TAF1: variants seen among roughly 807,000 people sequenced by gnomAD.
The protein encoded by TAF1 is transcription initiation factor TFIID subunit 1.
In TAF1, 2 loss-of-function variants were observed where a neutral mutation model predicts 138.5. The observed-to-expected ratio is 0.01, with a 90% CI of 0.01 to 0.05. The LOEUF (loss-of-function observed/expected upper bound fraction) is 0.05. Among genes scored for constraint, TAF1 ranks in the 10% least tolerant of loss-of-function variants. The pLI is 1.00. For missense variants in TAF1, 709 were observed against 1,478.0 expected, an observed-to-expected ratio of 0.48 and a Z score of 8.53; for synonymous variants, 437 against 503.2, an observed-to-expected ratio of 0.87 and a Z score of 1.76.
Position 71,464,562 on chromosome X carries a change from A to G in TAF1, c.*516A>G. On this transcript the variant is annotated 3_prime_UTR_variant, in exon 38 of 38. Coordinates refer to ENST00000423759, the MANE Select transcript of TAF1 (RefSeq NM_004606.5). ...TCTACTAAAAATACAAAAATTAGCC[A>G]GGTGTGGTGGCGTATGCCTGTTAAT... 1 of 238,886 alleles carries G rather than the reference A, an allele frequency of 4.2e-6. No individual in the cohort carries two copies. The highest frequency in any genetic ancestry group is 7.5e-6 in the Non-Finnish European group (1 of 133,824). The allele number at this position is 238,886 out of a possible 1,213,427, so 19.7% of individuals were successfully genotyped here.
intron 18 of TAF1, among the ~76,000 whole-genome samples, chrX:71,389,934 G>C (rs1376884521): frequency 2.7e-5 from 3 of 110,345 alleles, no homozygotes; most frequent in Admixed American, 1.9e-4. Flanking sequence ...GCATGACCTC[G>C]ACTCACTGCA....
At chrX:71,506,196 G>A (rs946698398) in intron 13 of TAF1, among the ~76,000 whole-genome samples, 10 of 107,100 alleles carry the variant, frequency 9.3e-5, no homozygotes, top group African/African-American at 3.4e-4. Flanking sequence ...GCGAAACTCC[G>A]TCTCAAAATA....
At chrX:71,386,753 C>T (rs1051346497) in intron 14 of TAF1, among the ~76,000 whole-genome samples, 3 of 113,096 alleles carry the variant, frequency 2.7e-5, no homozygotes, top group African/African-American at 9.6e-5. Context: ...GCATGAGTCA[C>T]TGTGCCCGGC....
intron 13 of TAF1, among the ~76,000 whole-genome samples, chrX:71,520,207 G>C (rs1256537460): frequency 1.9e-5 from 2 of 104,226 alleles, no homozygotes; most frequent in African/African-American, 7.1e-5. Flanking sequence ...GCAGTGGTGT[G>C]ATCTCGGCTC....
At chrX:71,377,334 T>G (rs950462609) in intron 5 of TAF1, 143 bp downstream of exon 5, 1 of 936,804 alleles carries the variant, frequency 1.1e-6, no homozygotes, top group African/African-American at 2.0e-5. Context: ...TCACACTGTA[T>G]TAGGTCTTTT....
chrX:71,394,686 C>T (rs1364922553), intron 22 of TAF1, among the ~76,000 whole-genome samples: 1 of 112,151 alleles, frequency 8.9e-6, no homozygotes, highest in Admixed American at 9.5e-5. Context: ...GGCTGGAGTG[C>T]ACTGGTGTGA....
At chrX:71,441,601 T>A (rs1446617464) in intron 32 of TAF1, 4 of 268,473 alleles carry the variant, frequency 1.5e-5, no homozygotes, top group African/African-American at 1.2e-4. Context: ...TGAAACTATA[T>A]ATTGTATTAT....
At chrX:71,527,955 T>C (rs1043207960) in intron 13 of TAF1, 1 of 145,835 alleles carries the variant, frequency 6.9e-6, no homozygotes. Flanking sequence ...TAGTATTGGA[T>C]TGGTCAGTCT....
In TAF1 at chrX:71,463,128, TA is replaced by T. The variant is rs913618885; in HGVS notation, c.5400-688del. ...TGTAGAGTATCCCAATTTTGTAAAT[TA>T]AAAAAAATGTTTAAGCATCTAAAGT... is the stretch of plus-strand genomic sequence containing the variant. On this transcript the variant is annotated intron_variant, in intron 37 of 37. Coordinates refer to ENST00000423759, the MANE Select transcript of TAF1 (RefSeq NM_004606.5). Among the ~76,000 whole-genome samples the T allele has an allele frequency of 3.6e-5, 4 of 111,377 alleles. No homozygotes were observed. In the Admixed American group the frequency reaches 3.8e-4, roughly 11 times the overall value.
chrX:71,399,567 C>CTTTTTTTTTTTTTT (rs35622645), intron 24 of TAF1, among the ~76,000 whole-genome samples: 1 of 28,937 alleles, frequency 3.5e-5, no homozygotes, highest in East Asian at 1.3e-3. Flanking sequence ...GTTATTTATT[C>CTTTTTTTTTTTTTT]TTTTTTTTTT....
At chrX:71,503,692 A>G (rs1165637433) in intron 13 of TAF1, among the ~76,000 whole-genome samples, 2 of 110,266 alleles carry the variant, frequency 1.8e-5, no homozygotes, top group Non-Finnish European at 3.8e-5. Flanking sequence ...TATGTGGTGT[A>G]ATGTGGCTGG....
chrX:71,500,181 G>A (rs1192072208), intron 13 of TAF1, among the ~76,000 whole-genome samples: 1 of 111,139 alleles, frequency 9.0e-6, no homozygotes, highest in Non-Finnish European at 1.9e-5. Context: ...GTCCTCCTGT[G>A]GGATGTAAAT....
rs1184792211 is a variant in TAF1 at position 71,396,843 on chromosome X, G to T, written c.3407-410G>T. Among the ~76,000 whole-genome samples the T allele has an allele frequency of 2.7e-5, 3 of 109,218 alleles. No individual in the cohort carries two copies. In the South Asian group the frequency reaches 1.2e-3, roughly 44 times the overall value. The allele number at this position is 109,218 out of a possible 115,157, so 94.8% of individuals were successfully genotyped here. On this transcript the variant is annotated intron_variant, in intron 22 of 37. Coordinates refer to ENST00000423759, the MANE Select transcript of TAF1 (RefSeq NM_004606.5). ...AGCCCAGGAGTTAGAGACCAGCCTA[G>T]GCAATGTGACAAGACCCCGTCTCTA...
At chrX:71,400,503 AACAT>A (rs1412335437) in intron 24 of TAF1, among the ~76,000 whole-genome samples, 1 of 112,194 alleles carries the variant, frequency 8.9e-6, no homozygotes, top group Non-Finnish European at 1.9e-5. Flanking sequence ...ACAAAAGTAA[AACAT>A]ACAAGTTGTT....
At chrX:71,490,137 A>G (rs1400728316) in intron 13 of TAF1, among the ~76,000 whole-genome samples, 2 of 112,112 alleles carry the variant, frequency 1.8e-5, no homozygotes, top group South Asian at 3.7e-4. Flanking sequence ...TGGGAAAAAA[A>G]GAGGCTTCAC....
rs2035919407 is a variant in TAF1 at position 71,413,853 on chromosome X, A to G, written c.4384+5702A>G. 2.7e-5 allele frequency: 3 copies of G among 111,968 alleles called. No individual in the cohort carries two copies. In the South Asian group the frequency reaches 1.1e-3, roughly 42 times the overall value. The allele number at this position is 111,968 out of a possible 1,213,427, so 9.2% of individuals were successfully genotyped here. ...GTTGCCAATGGAAAAACAAATAACAAAGATACTGGTCTGGGGTTAGGAGAG... is the reference window on the plus strand; with the variant it reads ...GTTGCCAATGGAAAAACAAATAACAGAGATACTGGTCTGGGGTTAGGAGAG... On this transcript the variant is annotated intron_variant, in intron 28 of 37. Transcript: ENST00000423759.
At chrX:71,528,818 G>A (rs754228006) in intron 14 of TAF1, 4 of 256,400 alleles carry the variant, frequency 1.6e-5, no homozygotes, top group South Asian at 7.4e-5. Flanking sequence ...AGCTTCCATA[G>A]CGTGAAAGGG....
intron 32 of TAF1, among the ~76,000 whole-genome samples, chrX:71,429,311 A>G (rs181410150): frequency 1.4e-4 from 15 of 110,917 alleles, no homozygotes; most frequent in Non-Finnish European, 2.5e-4. Flanking sequence ...AACTCTCCTA[A>G]GAAGAAGTGA....
chrX:71,455,629 T>C (rs1258662677), intron 34 of TAF1, among the ~76,000 whole-genome samples: 1 of 112,250 alleles, frequency 8.9e-6, no homozygotes, highest in Non-Finnish European at 1.9e-5. Flanking sequence ...AGCTTTGTAA[T>C]CTTGGAAAGT....
Sources: gnomAD v4.1 joint callset for allele counts (sites outside exome capture counted in the v4.1 genomes callset) on GRCh38, gnomAD v4.1.1 for gene constraint, MANE v1.5 for transcripts, NCBI Gene and HGNC (gene_info 2026-07-23, HGNC 2026-07-21) for gene names.